WHRN: variants seen among roughly 807,000 people sequenced by gnomAD.
The protein encoded by WHRN is whirlin, also known as CASK-interacting protein CIP98.
Under a neutral mutation model 68.3 loss-of-function variants are expected in WHRN, and 41 were observed. The observed-to-expected ratio is 0.60, with a 90% CI of 0.47 to 0.78. The LOEUF is 0.78. Among genes scored for constraint, WHRN ranks in the 30% least tolerant of loss-of-function variants. The pLI is 0.00. For synonymous variants in WHRN, 560 were observed against 561.3 expected (o/e 1.00, Z 0.03); for missense variants, 1,243 against 1,244.7 (o/e 1.00, Z 0.02).
intron 1 of WHRN, among the ~76,000 whole-genome samples, chr9:114,501,550 T>TCACACACACA (rs1843923283): frequency 1.1e-5 from 1 of 87,846 alleles, no homozygotes; most frequent in African/African-American, 6.8e-5. Flanking sequence ...TTAATTTTTA[T>TCACACACACA]TACACACACA....
chr9:114,446,626 G>C (rs1397896716), intron 3 of WHRN, among the ~76,000 whole-genome samples: 4 of 152,134 alleles, frequency 2.6e-5, no homozygotes, highest in African/African-American at 9.7e-5. Context: ...TACTTTAGTA[G>C]CTGGAAAAAT....
intron 1 of WHRN, among the ~76,000 whole-genome samples, chr9:114,490,480 T>C (rs907253762): frequency 1.3e-5 from 2 of 152,174 alleles, no homozygotes; most frequent in Non-Finnish European, 2.9e-5. Context: ...AACGGCTGGA[T>C]AGGAGAGTAT....
chr9:114,482,987 A>G (rs1045910723), intron 1 of WHRN, among the ~76,000 whole-genome samples: 2 of 152,194 alleles, frequency 1.3e-5, no homozygotes, highest in Non-Finnish European at 2.9e-5. Context: ...ACAGCCCAGG[A>G]CGCAGGAGGC....
At chr9:114,463,773 C>A (rs1840438216) in intron 3 of WHRN, among the ~76,000 whole-genome samples, 1 of 152,208 alleles carries the variant, frequency 6.6e-6, no homozygotes, top group Non-Finnish European at 1.5e-5. Flanking sequence ...TCACTCCTAC[C>A]TGCTAAAAGC....
rs144474711 is a variant in WHRN at position 114,484,871 on chromosome 9, T to C, written c.619-6100A>G. ...AGCCAACTCTGAAACCCCAAAATCA[T>C]AGACCAGGCTGACATGATTCTCTGC... On this transcript the variant is annotated intron_variant, in intron 1 of 11. Coordinates refer to ENST00000362057, the MANE Select transcript of WHRN (RefSeq NM_015404.4). 1.0e-3 allele frequency among the ~76,000 whole-genome samples: 155 copies of C among 152,286 alleles called. 2 individuals are homozygous for C. The South Asian group carries it at 0.012, about 12-fold the overall frequency.
chr9:114,441,243 G>C (rs2132588224), intron 3 of WHRN, among the ~76,000 whole-genome samples: 1 of 151,796 alleles, frequency 6.6e-6, no homozygotes, highest in African/African-American at 2.4e-5. Context: ...CAGGTCAATA[G>C]TAGGCTATCA....
At chr9:114,447,372 G>A (rs920453667) in intron 3 of WHRN, among the ~76,000 whole-genome samples, 1 of 152,196 alleles carries the variant, frequency 6.6e-6, no homozygotes, top group Non-Finnish European at 1.5e-5. Flanking sequence ...CGGTAAACAA[G>A]GGATGAGCAC....
intron 3 of WHRN, among the ~76,000 whole-genome samples, chr9:114,437,325 C>G (rs1837944205): frequency 6.6e-6 from 1 of 152,138 alleles, no homozygotes; most frequent in South Asian, 2.1e-4. Flanking sequence ...ATAAGTTCAT[C>G]TATACCCTGG....
chr9:114,453,773 A>C (rs1379334490), intron 3 of WHRN, among the ~76,000 whole-genome samples: 1 of 152,168 alleles, frequency 6.6e-6, no homozygotes, highest in Non-Finnish European at 1.5e-5. Context: ...TCCCCCAAAA[A>C]AACTCAAGCC....
chr9:114,493,356 T>G (rs10982254), intron 1 of WHRN, among the ~76,000 whole-genome samples: 1 of 84,298 alleles, frequency 1.2e-5, no homozygotes. Flanking sequence ...ATCTTTTTTT[T>G]AAAAAAAAAA....
Position 114,406,758 on chromosome 9 carries a change from G to A in WHRN, c.1833C>T (p.Ser611=), listed in dbSNP as rs752505729. 4 of 1,614,050 alleles carry A rather than the reference G, an allele frequency of 2.5e-6. No homozygotes were observed. In the African/African-American group the frequency reaches 4.0e-5, roughly 16 times the overall value. The change falls in exon 9 of 12, where the codon TCC becomes TCT. Residue 611 remains serine, a synonymous_variant. Transcript: ENST00000362057. Reference sequence around the variant, plus strand: ...CAGTGCCCGAGCAGGAAGGCATGGAGGAAGGTGGCTGGAGGTCCTCTCTCC... The same window carrying A: ...CAGTGCCCGAGCAGGAAGGCATGGAAGAAGGTGGCTGGAGGTCCTCTCTCC... ...KLGREDLQPP[S]SMPSCSGTVF... is the part of the protein sequence containing the mutation.
chr9:114,475,913 C>A (rs985041854), intron 2 of WHRN, among the ~76,000 whole-genome samples: 4 of 152,156 alleles, frequency 2.6e-5, no homozygotes, highest in Admixed American at 2.6e-4. Context: ...TGTCTCCTGC[C>A]TCCTTCGGTA....
intron 4 of WHRN, chr9:114,425,742 G>T (rs1326171167): frequency 7.5e-6 from 2 of 267,514 alleles, no homozygotes; most frequent in Non-Finnish European, 1.5e-5. Flanking sequence ...TACACTGTTG[G>T]CAACTATGCA....
At chr9:114,493,719 G>A (rs1311771212) in intron 1 of WHRN, among the ~76,000 whole-genome samples, 5 of 152,062 alleles carry the variant, frequency 3.3e-5, no homozygotes, top group African/African-American at 9.7e-5. Flanking sequence ...AGAGGAAAAA[G>A]GAAAAAAACA....
intron 3 of WHRN, among the ~76,000 whole-genome samples, chr9:114,457,732 G>T (rs1839923534): frequency 6.6e-6 from 1 of 152,034 alleles, no homozygotes; most frequent in African/African-American, 2.4e-5. Context: ...CCTGGCCAAC[G>T]TGGTGAAACC....
At chr9:114,411,291 T>C (rs1301999706) in intron 7 of WHRN, among the ~76,000 whole-genome samples, 2 of 152,172 alleles carry the variant, frequency 1.3e-5, no homozygotes, top group South Asian at 2.1e-4. Context: ...GAGGCAGTGA[T>C]TGACATGCAT....
At chr9:114,459,058 T>C (rs912294975) in intron 3 of WHRN, among the ~76,000 whole-genome samples, 5 of 152,190 alleles carry the variant, frequency 3.3e-5, no homozygotes, top group Admixed American at 1.3e-4. Flanking sequence ...AGAACCTCCC[T>C]TGGGCAGGGG....
chr9:114,486,347 A>G (rs1300155139), intron 1 of WHRN, among the ~76,000 whole-genome samples: 2 of 152,212 alleles, frequency 1.3e-5, no homozygotes, highest in Non-Finnish European at 2.9e-5. Flanking sequence ...AAGAGCATCC[A>G]GCACACTTCT....
At chr9:114,463,749 G>A (rs1840436345) in intron 3 of WHRN, among the ~76,000 whole-genome samples, 1 of 152,146 alleles carries the variant, frequency 6.6e-6, no homozygotes, top group African/African-American at 2.4e-5. Context: ...TCCCCCTGGA[G>A]TCCAAACAAA....
Sources: gnomAD v4.1 joint callset for allele counts (sites outside exome capture counted in the v4.1 genomes callset) on GRCh38, gnomAD v4.1.1 for gene constraint, MANE v1.5 for transcripts, NCBI Gene and HGNC (gene_info 2026-07-23, HGNC 2026-07-21) for gene names.